UCHL3: variants seen among roughly 807,000 people sequenced by gnomAD.
The protein encoded by UCHL3 is ubiquitin C-terminal hydrolase L3, also known as ubiquitin carboxyl-terminal hydrolase isozyme L3.
Under a neutral mutation model 35.8 loss-of-function variants are expected in UCHL3, and 22 were observed. That is an observed-to-expected ratio of 0.61 (90% CI 0.44 to 0.88). The LOEUF is 0.88. Among genes scored for constraint, UCHL3 ranks in the 40% least tolerant of loss-of-function variants. The pLI is 0.00. For missense variants in UCHL3, 229 were observed against 276.9 expected, an observed-to-expected ratio of 0.83 and a Z score of 1.23; for synonymous variants, 90 against 92.8, an observed-to-expected ratio of 0.97 and a Z score of 0.17.
intron 7 of UCHL3, among the ~76,000 whole-genome samples, chr13:75,599,973 C>G (rs1307281057): frequency 6.6e-6 from 1 of 152,198 alleles, no homozygotes; most frequent in Non-Finnish European, 1.5e-5. Flanking sequence ...AAGTGCTGCT[C>G]CAGTGAACAC....
chr13:75,590,479 T>C (rs1380185341), intron 6 of UCHL3, among the ~76,000 whole-genome samples: 1 of 151,996 alleles, frequency 6.6e-6, no homozygotes, highest in Non-Finnish European at 1.5e-5. Flanking sequence ...TTGACTCAGG[T>C]CAACAAATGC....
Position 75,559,406 on chromosome 13 carries a change from AT to A in UCHL3, c.55-1345del, listed in dbSNP as rs529765541. Among the ~76,000 whole-genome samples, 653 of 152,288 alleles carry A rather than the reference AT, an allele frequency of 4.3e-3. 4 individuals are homozygous for A. The highest frequency in any genetic ancestry group is 0.014 in the African/African-American group (579 of 41,560). On this transcript the variant is annotated intron_variant, in intron 2 of 8. Coordinates refer to ENST00000377595, the MANE Select transcript of UCHL3 (RefSeq NM_006002.5). ...AATGAACCTAATCTTTGCTGAACAC[AT>A]TCTTCTAAGAAAGTTTTTATAAATC...
intron 7 of UCHL3, among the ~76,000 whole-genome samples, chr13:75,601,448 C>T (rs1319719375): frequency 2.6e-5 from 4 of 152,172 alleles, no homozygotes; most frequent in South Asian, 2.1e-4. Flanking sequence ...CAGCAACCGC[C>T]GTCCTGATCA....
At chr13:75,553,042 T>C (rs1304856472) in intron 2 of UCHL3, among the ~76,000 whole-genome samples, 1 of 152,254 alleles carries the variant, frequency 6.6e-6, no homozygotes, top group Non-Finnish European at 1.5e-5. Flanking sequence ...AGCATAACTA[T>C]TCTATTTAGC....
rs561552308 is a variant in UCHL3 at position 75,605,764 on chromosome 13, C to G, written c.645C>G (p.Arg215=). ...AIEVCKKFME[R]DPDELRFNAI... ...AAGTTTGCAAGAAGTTTATGGAGCG[C>G]GACCCTGATGAACTAAGATTTAATG... Residue 215 remains arginine (R), a synonymous_variant, in exon 9 of 9, where the codon CGC becomes CGG. Coordinates refer to ENST00000377595, the MANE Select transcript of UCHL3 (RefSeq NM_006002.5). 6.2e-7 allele frequency: 1 copy of G among 1,613,792 alleles called. No homozygotes were observed. Among genetic ancestry groups the G allele is most frequent in the Non-Finnish European group, 8.5e-7 (1 of 1,179,964 alleles).
chr13:75,555,101 T>TC, intron 2 of UCHL3, among the ~76,000 whole-genome samples: 1 of 152,330 alleles, frequency 6.6e-6, no homozygotes, highest in Non-Finnish European at 1.5e-5. Context: ...TCTGACCCGC[T>TC]CATGCTGTGC....
intron 2 of UCHL3, among the ~76,000 whole-genome samples, chr13:75,550,420 C>T (rs1014860756): frequency 6.6e-6 from 1 of 152,208 alleles, no homozygotes; most frequent in Admixed American, 6.5e-5. Flanking sequence ...TCATCCACCG[C>T]CTGCACTATG....
intron 2 of UCHL3, among the ~76,000 whole-genome samples, chr13:75,559,030 CTTTTTTTT>C (rs34100020): frequency 7.8e-5 from 5 of 64,282 alleles, no homozygotes; most frequent in East Asian, 5.7e-4. Flanking sequence ...GCCCCGGACT[CTTTTTTTT>C]TTTTTTTTTT....
rs776318628 is a variant in UCHL3, at chr13:75,594,926, A to G, written c.486A>G (p.Ile162Met). 1 of 1,607,036 alleles carries G rather than the reference A, an allele frequency of 6.2e-7. No homozygotes were observed. Among genetic ancestry groups the G allele is most frequent in the Non-Finnish European group, 8.5e-7 (1 of 1,178,390 alleles). Residue 162 changes from isoleucine to methionine, a missense_variant, in exon 7 of 9, where the codon ATA becomes ATG. Transcript: ENST00000377595. Reference sequence around the variant, plus strand: ...CCCTCCTATTCCAGGCACCAAGTATAGATGAGAAAGTAGATCTTCATTTTA... The same window carrying G: ...CCCTCCTATTCCAGGCACCAAGTATGGATGAGAAAGTAGATCTTCATTTTA... ...AHEGQTEAPS[I>M]DEKVDLHFIA...
At chr13:75,599,116 G>C (rs2032715664) in intron 7 of UCHL3, among the ~76,000 whole-genome samples, 1 of 149,462 alleles carries the variant, frequency 6.7e-6, no homozygotes, top group Non-Finnish European at 1.5e-5. Context: ...CTGTAGGCCT[G>C]TGCCACCATG....
intron 3 of UCHL3, among the ~76,000 whole-genome samples, chr13:75,565,634 A>G (rs1313018916): frequency 1.3e-5 from 2 of 152,234 alleles, no homozygotes; most frequent in Non-Finnish European, 2.9e-5. Context: ...GTAAACAGCC[A>G]TAGACAATAC....
At chr13:75,589,094 G>C (rs2032404816) in intron 6 of UCHL3, among the ~76,000 whole-genome samples, 1 of 151,898 alleles carries the variant, frequency 6.6e-6, no homozygotes, top group Non-Finnish European at 1.5e-5. Context: ...TATTTTTCTT[G>C]GTCACTTTGG....
chr13:75,598,058 T>C (rs1163075125), intron 7 of UCHL3, among the ~76,000 whole-genome samples: 2 of 152,184 alleles, frequency 1.3e-5, no homozygotes, highest in South Asian at 2.1e-4. Flanking sequence ...TTGGAACTGA[T>C]TGAACAATCA....
chr13:75,554,713 G>A (rs1363547848), intron 2 of UCHL3, among the ~76,000 whole-genome samples: 1 of 152,018 alleles, frequency 6.6e-6, no homozygotes, highest in African/African-American at 2.4e-5. Flanking sequence ...ATACTCTACT[G>A]GTCTTCCAAT....
intron 6 of UCHL3, among the ~76,000 whole-genome samples, chr13:75,573,266 G>GAAA (rs59697323): frequency 1.5e-5 from 2 of 129,408 alleles, no homozygotes; most frequent in Non-Finnish European, 3.3e-5. Context: ...CTCTGTCTCA[G>GAAA]AAAAAAAAAA....
intron 6 of UCHL3, among the ~76,000 whole-genome samples, chr13:75,584,128 G>A (rs549180085): frequency 9.9e-5 from 15 of 152,234 alleles, no homozygotes; most frequent in Admixed American, 7.2e-4. Flanking sequence ...CCCCTTTTGC[G>A]GGAGGGGCAG....
chr13:75,573,674 A>G (rs796159692), intron 6 of UCHL3, among the ~76,000 whole-genome samples: 36 of 152,292 alleles, frequency 2.4e-4, no homozygotes, highest in African/African-American at 6.5e-4. Context: ...TGTTCTTATA[A>G]GGATACCAGT....
intron 6 of UCHL3, among the ~76,000 whole-genome samples, chr13:75,573,855 T>C (rs1228969729): frequency 6.6e-6 from 1 of 152,216 alleles, no homozygotes; most frequent in African/African-American, 2.4e-5. Context: ...AACAACCCAG[T>C]ACACTTCCGG....
chr13:75,559,750 A>G (rs185801041), intron 2 of UCHL3, among the ~76,000 whole-genome samples: 75 of 152,356 alleles, frequency 4.9e-4, no homozygotes, highest in African/African-American at 1.5e-3. Flanking sequence ...AGCAAATACT[A>G]TAATGTGTTC....
Sources: gnomAD v4.1 joint callset for allele counts (sites outside exome capture counted in the v4.1 genomes callset) on GRCh38, gnomAD v4.1.1 for gene constraint, MANE v1.5 for transcripts, NCBI Gene and HGNC (gene_info 2026-07-23, HGNC 2026-07-21) for gene names.